The following MDGA2 variants were observed in gnomAD, a reference collection of about 807,000 sequenced individuals.
MDGA2 encodes the protein MAM domain-containing glycosylphosphatidylinositol anchor protein 2.
MDGA2 carries 40 observed loss-of-function variants against 117.8 expected under a neutral mutation model. The observed-to-expected ratio is 0.34, with a 90% CI of 0.26 to 0.44. The LOEUF is 0.44. Ranked by LOEUF, MDGA2 falls within the 20% of genes least tolerant of loss-of-function variation. MDGA2 has a pLI of 1.00. For synonymous variants in MDGA2, 452 were observed against 439.0 expected (o/e 1.03, Z -0.37); for missense variants, 1,123 against 1,250.6 (o/e 0.90, Z 1.54).
At chr14:47,529,198 T>A (rs1461475191) in intron 1 of MDGA2, among the ~76,000 whole-genome samples, 1 of 152,052 alleles carries the variant, frequency 6.6e-6, no homozygotes, top group Non-Finnish European at 1.5e-5. Context: ...ATAAACTACA[T>A]CTGCAATAAA....
chr14:46,857,993 C>A (rs1337320345), intron 14 of MDGA2, among the ~76,000 whole-genome samples: 1 of 151,814 alleles, frequency 6.6e-6, no homozygotes, highest in African/African-American at 2.4e-5. Context: ...ATGTCTCTTT[C>A]CTCTCTTTTG....
chr14:46,862,671 C>T lies in MDGA2; in HGVS notation c.2753-7517G>A, dbSNP rs79118647. On this transcript the variant is annotated intron_variant, in intron 14 of 16. Transcript: ENST00000399232. ...GTCTGGAGATCACTTGCATACAAAT[C>T]GCATTGTTATAATCAGTAACACAGA... Among the ~76,000 whole-genome samples the T allele has an allele frequency of 1.1e-3, 171 of 151,902 alleles. 2 individuals are homozygous for T. The East Asian group carries it at 0.013, about 12-fold the overall frequency.
At chr14:47,627,631 C>T in intron 1 of MDGA2, among the ~76,000 whole-genome samples, 1 of 152,162 alleles carries the variant, frequency 6.6e-6, no homozygotes, top group Non-Finnish European at 1.5e-5. Context: ...TAAAACAGAC[C>T]AATCGGCTCT....
intron 1 of MDGA2, among the ~76,000 whole-genome samples, chr14:47,439,489 T>C (rs528761327): frequency 6.6e-6 from 1 of 152,294 alleles, no homozygotes; most frequent in South Asian, 2.1e-4. Flanking sequence ...AATGTTAGGT[T>C]AACATTCTCC....
At chr14:47,200,644 G>C in intron 3 of MDGA2, 2 of 1,260,352 alleles carry the variant, frequency 1.6e-6, no homozygotes, top group Non-Finnish European at 2.3e-6. Flanking sequence ...CGTTCTTCTC[G>C]GCCTGTTTCC....
intron 8 of MDGA2, among the ~76,000 whole-genome samples, chr14:47,013,313 T>C (rs72678425): frequency 0.15 from 22,462 of 152,122 alleles, 1,753 homozygotes; most frequent in Admixed American, 0.22. Flanking sequence ...TAGATTCCAT[T>C]TCAAGAAACC....
intron 1 of MDGA2, among the ~76,000 whole-genome samples, chr14:47,560,665 A>C (rs1330662559): frequency 6.6e-6 from 1 of 151,910 alleles, no homozygotes; most frequent in African/African-American, 2.4e-5. Context: ...TAGGCTGTTT[A>C]CTCTGTTGAT....
intron 7 of MDGA2, among the ~76,000 whole-genome samples, chr14:47,051,992 A>G (rs1247874639): frequency 6.6e-6 from 1 of 151,868 alleles, no homozygotes; most frequent in African/African-American, 2.4e-5. Context: ...ATATGCTGTA[A>G]TGTACATTCC....
intron 1 of MDGA2, among the ~76,000 whole-genome samples, chr14:47,346,915 C>T (rs546784906): frequency 4.0e-4 from 61 of 152,164 alleles, no homozygotes; most frequent in African/African-American, 1.4e-3. Flanking sequence ...AGAGTGGGAA[C>T]GGTTCAGTGT....
At chr14:47,120,040 A>G (rs971232930) in intron 5 of MDGA2, among the ~76,000 whole-genome samples, 3 of 152,226 alleles carry the variant, frequency 2.0e-5, no homozygotes, top group Admixed American at 6.5e-5. Context: ...ATTGGTTTTG[A>G]AGAATTTTCT....
chr14:47,392,004 A>G (rs1015357559), intron 1 of MDGA2, among the ~76,000 whole-genome samples: 3 of 152,122 alleles, frequency 2.0e-5, no homozygotes, highest in Non-Finnish European at 4.4e-5. Context: ...AGCTGTGCAC[A>G]TCCCGGTAAT....
intron 5 of MDGA2, among the ~76,000 whole-genome samples, chr14:47,104,009 G>A (rs12589725): frequency 2.0e-5 from 3 of 152,150 alleles, no homozygotes; most frequent in Non-Finnish European, 4.4e-5. Context: ...CACTCTGCAT[G>A]ACTCTCCTTG....
intron 4 of MDGA2, among the ~76,000 whole-genome samples, chr14:47,138,321 T>C (rs1316731287): frequency 1.3e-5 from 2 of 152,138 alleles, no homozygotes; most frequent in Non-Finnish European, 2.9e-5. Flanking sequence ...TGTCTAATTG[T>C]ATAATTAGTC....
intron 1 of MDGA2, among the ~76,000 whole-genome samples, chr14:47,452,707 T>G (rs1327429154): frequency 2.0e-5 from 3 of 152,076 alleles, no homozygotes; most frequent in African/African-American, 7.2e-5. Context: ...AGGATACATT[T>G]CCCAGTCCCA....
chr14:47,158,368 GTGT>G (rs764177268), intron 3 of MDGA2, among the ~76,000 whole-genome samples: 2 of 136,280 alleles, frequency 1.5e-5, no homozygotes, highest in African/African-American at 3.0e-5. Flanking sequence ...GGGTGGGTGT[GTGT>G]GTGTGTGTGT....
chr14:47,560,486 G>A (rs1441644664), intron 1 of MDGA2, among the ~76,000 whole-genome samples: 1 of 152,028 alleles, frequency 6.6e-6, no homozygotes, highest in African/African-American at 2.4e-5. Flanking sequence ...CATGTTTCTT[G>A]GTCATGTTTA....
intron 1 of MDGA2, among the ~76,000 whole-genome samples, chr14:47,653,481 C>T (rs1897682701): frequency 6.6e-6 from 1 of 152,184 alleles, no homozygotes; most frequent in South Asian, 2.1e-4. Context: ...AGGCTACCCA[C>T]GCATTTGAGA....
At chr14:47,337,925 A>G (rs1303723002) in intron 1 of MDGA2, among the ~76,000 whole-genome samples, 2 of 152,024 alleles carry the variant, frequency 1.3e-5, no homozygotes, top group Non-Finnish European at 2.9e-5. Flanking sequence ...TATTTTGAAA[A>G]TATCTTGTTT....
At position 47,370,432 on chromosome 14, in the gene MDGA2, G is replaced by A. The variant is rs1004651386; in HGVS notation, c.281-68882C>T. ...GAAAGTTCATCAGAGACCTGTATCT[G>A]AATATCTGAATTACTATTTTCTAGG... On this transcript the variant is annotated intron_variant, in intron 1 of 16. Transcript: ENST00000399232. 5.8e-5 allele frequency among the ~76,000 whole-genome samples: 7 copies of A among 120,868 alleles called. No homozygotes were observed. In the Admixed American group the frequency reaches 6.0e-4, roughly 10 times the overall value. The allele number at this position is 120,868 out of a possible 152,430, so 79.3% of individuals were successfully genotyped here.
Sources: allele counts gnomAD v4.1 joint callset (sites outside exome capture counted in the v4.1 genomes callset), GRCh38; gene constraint gnomAD v4.1.1; transcripts MANE v1.5; gene names NCBI Gene and HGNC (gene_info 2026-07-23, HGNC 2026-07-21).